The following ETF1 variants were observed in gnomAD, a reference collection of about 807,000 sequenced individuals.
ETF1 encodes eukaryotic peptide chain release factor subunit 1.
Under a neutral mutation model 55.1 loss-of-function variants are expected in ETF1, and 4 were observed. The ratio of observed to expected loss-of-function variants is 0.07; its 90% CI spans 0.04 to 0.17. The LOEUF (loss-of-function observed/expected upper bound fraction) is 0.17, where lower values mean the gene tolerates loss of function less well. Ranked by LOEUF, ETF1 falls within the 10% of genes least tolerant of loss-of-function variation. The pLI, the probability that ETF1 is intolerant of heterozygous loss-of-function variation, is 1.00. For missense variants in ETF1, 142 were observed against 523.6 expected, an observed-to-expected ratio of 0.27 and a Z score of 7.11; for synonymous variants, 157 against 182.3, an observed-to-expected ratio of 0.86 and a Z score of 1.12.
intron 2 of ETF1, among the ~76,000 whole-genome samples, chr5:138,539,376 C>T (rs1252161105): frequency 2.0e-5 from 3 of 152,184 alleles, no homozygotes; most frequent in Admixed American, 6.5e-5. Context: ...TTCCAACATA[C>T]GTTGACCTGT....
chr5:138,523,956 C>T (rs1423749397), intron 2 of ETF1, among the ~76,000 whole-genome samples: 2 of 152,070 alleles, frequency 1.3e-5, no homozygotes, highest in Non-Finnish European at 2.9e-5. Flanking sequence ...GCAGGCAGAT[C>T]ACTTGAGGCC....
chr5:138,541,567 CA>C, intron 2 of ETF1: 1 of 1,535,238 alleles, frequency 6.5e-7, no homozygotes, highest in Non-Finnish European at 8.7e-7. Context: ...TTTCATATAA[CA>C]GTAATAATGA....
At chr5:138,541,880 TA>T (rs60254128) in intron 2 of ETF1, among the ~76,000 whole-genome samples, 70,424 of 149,442 alleles carry the variant, frequency 0.47, 18,011 homozygotes, top group East Asian at 0.8. Context: ...CGAACAACGT[TA>T]AAAAAAAAAG....
At chr5:138,541,699 G>A in intron 2 of ETF1, 1 of 1,315,062 alleles carries the variant, frequency 7.6e-7, no homozygotes, top group African/African-American at 1.5e-5. Flanking sequence ...CCTGAGGCAG[G>A]CCATTCTACT....
At chr5:138,534,412 C>A (rs959785537) in intron 2 of ETF1, among the ~76,000 whole-genome samples, 1 of 152,210 alleles carries the variant, frequency 6.6e-6, no homozygotes, top group Non-Finnish European at 1.5e-5. Context: ...CAGTGCAAAG[C>A]AAGAGACTGC....
chr5:138,529,162 C>T (rs1010117295), intron 2 of ETF1, among the ~76,000 whole-genome samples: 6 of 151,290 alleles, frequency 4.0e-5, no homozygotes, highest in Admixed American at 1.3e-4. Flanking sequence ...AAAACCAAAA[C>T]CAAACAAACA....
Position 138,507,198 on chromosome 5 carries a change from A to C in ETF1, c.*1107T>G. 5.8e-5 allele frequency: 8 copies of C among 137,924 alleles called. No individual in the cohort carries two copies. The highest frequency in any genetic ancestry group is 3.0e-5 in the Non-Finnish European group (2 of 66,012). 8.5% of individuals were successfully genotyped at this position (137,924 alleles called of 1,614,324 possible). ...CCTTCCCACCCGCCCCTAATTTCTC[A>C]TGTGAGAAGTGCTTGTAAGTCCCAC... On this transcript the variant is annotated 3_prime_UTR_variant, in exon 11 of 11. Transcript: ENST00000360541.
chr5:138,528,658 A>T (rs1765572903), intron 2 of ETF1, among the ~76,000 whole-genome samples: 1 of 152,140 alleles, frequency 6.6e-6, no homozygotes, highest in Admixed American at 6.6e-5. Flanking sequence ...GGTGCAAAAA[A>T]TTACCTTTCA....
intron 6 of ETF1, 131 bp downstream of exon 6, chr5:138,512,622 TCTGTAAACCTG>T (rs1391388162): frequency 8.1e-6 from 5 of 613,788 alleles, no homozygotes; most frequent in African/African-American, 7.9e-5. Context: ...CTGATAAACA[TCTGTAAACCTG>T]CTGTTTAACT....
chr5:138,538,685 T>G (rs556134034), intron 2 of ETF1, among the ~76,000 whole-genome samples: 1 of 151,130 alleles, frequency 6.6e-6, no homozygotes. Context: ...AAAAAAAGAA[T>G]GTGAAATTCA....
chr5:138,508,862 T>C (rs776260438), intron 9 of ETF1, 46 bp from the exon 10 acceptor site: 7 of 1,594,560 alleles, frequency 4.4e-6, no homozygotes, highest in Non-Finnish European at 6.0e-6. Context: ...TTAGGATATA[T>C]GAAGGCTAAT....
In ETF1 at chr5:138,507,399, G is replaced by A. The variant is rs1398208907; in HGVS notation, c.*906C>T. The A allele has an allele frequency of 6.6e-6, 1 of 152,552 alleles. No individual in the cohort carries two copies. The highest frequency in any genetic ancestry group is 2.4e-5 in the African/African-American group (1 of 41,408). 9.4% of individuals were successfully genotyped at this position (152,552 alleles called of 1,614,324 possible). ...ACACATCCACCTCCCTTTTAACAAG[G>A]ATTGACCCAAGCAAAATAAAATCCT... On this transcript the variant is annotated 3_prime_UTR_variant, in exon 11 of 11. Coordinates refer to ENST00000360541, the MANE Select transcript of ETF1 (RefSeq NM_004730.4).
At chr5:138,530,616 T>C (rs975964168) in intron 2 of ETF1, among the ~76,000 whole-genome samples, 3 of 151,566 alleles carry the variant, frequency 2.0e-5, no homozygotes, top group African/African-American at 2.4e-5. Flanking sequence ...TCTTGTCTCC[T>C]AGGCTGGAGT....
intron 2 of ETF1, chr5:138,542,548 T>C: frequency 5.9e-6 from 7 of 1,180,626 alleles, no homozygotes; most frequent in Non-Finnish European, 7.8e-6. Context: ...GACCTGGACT[T>C]AAGGGCCCGG....
chr5:138,517,327 T>A (rs1765061438), intron 4 of ETF1, among the ~76,000 whole-genome samples: 1 of 151,226 alleles, frequency 6.6e-6, no homozygotes, highest in East Asian at 1.9e-4. Flanking sequence ...GCCGAGATCA[T>A]ACCACTGCAC....
rs1360486028 is a variant in ETF1, at chr5:138,518,978, G to A, written c.87-111C>T. On this transcript the variant is annotated intron_variant, in intron 2 of 10. Transcript: ENST00000360541. ...AGATGCCCCAAAGTTATGGAAACAG[G>A]TCACTCTCAAAGGAGTAATGTAGGG... 7.8e-6 allele frequency: 12 copies of A among 1,532,880 alleles called. No individual in the cohort carries two copies. The East Asian group carries it at 2.7e-4, about 35-fold the overall frequency. The allele number at this position is 1,532,880 out of a possible 1,614,324, so 95.0% of individuals were successfully genotyped here.
chr5:138,542,351 C>G (rs1766214607), intron 2 of ETF1, among the ~76,000 whole-genome samples: 1 of 152,150 alleles, frequency 6.6e-6, no homozygotes, highest in Non-Finnish European at 1.5e-5. Flanking sequence ...CCTCTGCTTC[C>G]CGTCCCATCC....
chr5:138,520,861 A>T (rs894724129), intron 2 of ETF1, among the ~76,000 whole-genome samples: 2 of 152,100 alleles, frequency 1.3e-5, no homozygotes, highest in Non-Finnish European at 2.9e-5. Flanking sequence ...GATGTGGAGA[A>T]ATTGGAACCC....
At chr5:138,533,640 C>T (rs780652607) in intron 2 of ETF1, among the ~76,000 whole-genome samples, 1 of 152,086 alleles carries the variant, frequency 6.6e-6, no homozygotes, top group Non-Finnish European at 1.5e-5. Flanking sequence ...GAGCCAAGAT[C>T]GCACCACTGC....
Sources: gnomAD v4.1 joint callset for allele counts (sites outside exome capture counted in the v4.1 genomes callset) on GRCh38, gnomAD v4.1.1 for gene constraint, MANE v1.5 for transcripts, NCBI Gene and HGNC (gene_info 2026-07-23, HGNC 2026-07-21) for gene names.